ATP10B: variants seen among roughly 807,000 people sequenced by gnomAD.
The protein encoded by ATP10B is phospholipid-transporting ATPase VB.
A neutral mutation model predicts 141.2 loss-of-function variants in ATP10B; 122 were observed. The ratio of observed to expected loss-of-function variants is 0.86; its 90% CI spans 0.75 to 1.00. The LOEUF (loss-of-function observed/expected upper bound fraction) is 1.00. Ranked by LOEUF, ATP10B falls within the 50% of genes least tolerant of loss-of-function variation. The probability of loss-of-function intolerance (pLI) is 0.00; values close to 1 mark genes in which losing one functional copy is unlikely to be tolerated. For missense variants in ATP10B, 1,876 were observed against 1,825.3 expected (o/e 1.03, Z -0.51); for synonymous variants, 685 against 692.0 (o/e 0.99, Z 0.16).
At chr5:160,767,410 CCT>C (rs1581493458) in intron 2 of ATP10B, among the ~76,000 whole-genome samples, 1 of 152,058 alleles carries the variant, frequency 6.6e-6, no homozygotes, top group Non-Finnish European at 1.5e-5. Flanking sequence ...ATTTTCATCC[CCT>C]TTTTCCAAAT....
chr5:160,833,263 A>G (rs1775212856), intron 1 of ATP10B, among the ~76,000 whole-genome samples: 1 of 152,242 alleles, frequency 6.6e-6, no homozygotes, highest in African/African-American at 2.4e-5. Flanking sequence ...GCTGGGTTGT[A>G]GAATACAGGG....
At chr5:160,583,563 A>G (rs112155818) in intron 24 of ATP10B, among the ~76,000 whole-genome samples, 2,755 of 152,318 alleles carry the variant, frequency 0.018, 80 homozygotes, top group African/African-American at 0.062. Context: ...CCCTTAGCAG[A>G]GCTCGAGCGC....
intron 6 of ATP10B, among the ~76,000 whole-genome samples, chr5:160,678,103 C>A (rs184161578): frequency 6.6e-6 from 1 of 152,304 alleles, no homozygotes; most frequent in African/African-American, 2.4e-5. Context: ...AACCTCTAGA[C>A]AGTTTTGCTG....
chr5:160,724,656 C>T (rs1766213275), intron 2 of ATP10B, among the ~76,000 whole-genome samples: 1 of 152,178 alleles, frequency 6.6e-6, no homozygotes, highest in South Asian at 2.1e-4. Flanking sequence ...TCAGTCTGCT[C>T]CAGCTATAAT....
At chr5:160,806,080 C>A (rs1242196186) in intron 1 of ATP10B, among the ~76,000 whole-genome samples, 2 of 152,144 alleles carry the variant, frequency 1.3e-5, no homozygotes, top group East Asian at 3.9e-4. Context: ...CTCTTTTGGT[C>A]CTCAACAGAT....
intron 10 of ATP10B, among the ~76,000 whole-genome samples, chr5:160,639,678 G>T (rs1253889189): frequency 6.6e-6 from 1 of 152,234 alleles, no homozygotes; most frequent in Non-Finnish European, 1.5e-5. Context: ...TTTGGTATCA[G>T]TGGCTGGTTT....
intron 6 of ATP10B, among the ~76,000 whole-genome samples, chr5:160,679,939 C>G (rs1380921181): frequency 1.3e-5 from 2 of 152,148 alleles, no homozygotes; most frequent in African/African-American, 4.8e-5. Flanking sequence ...CTGGGAGAAG[C>G]TAAACTAATA....
At chr5:160,718,007 G>A (rs1765762551) in intron 2 of ATP10B, among the ~76,000 whole-genome samples, 1 of 152,238 alleles carries the variant, frequency 6.6e-6, no homozygotes, top group Admixed American at 6.5e-5. Flanking sequence ...CAGAGGGCCA[G>A]CCAGGCTGAG....
intron 6 of ATP10B, among the ~76,000 whole-genome samples, chr5:160,679,311 G>A (rs1763230498): frequency 6.6e-6 from 1 of 152,316 alleles, no homozygotes; most frequent in South Asian, 2.1e-4. Context: ...TCAGTAAAAA[G>A]TCAGATTAAA....
intron 1 of ATP10B, among the ~76,000 whole-genome samples, chr5:160,803,476 G>T (rs1041185062): frequency 2.6e-5 from 4 of 152,162 alleles, no homozygotes; most frequent in Non-Finnish European, 4.4e-5. Flanking sequence ...AGGAGTTCAA[G>T]ACCAGCTTGG....
chr5:160,820,722 C>G (rs1236879054), intron 1 of ATP10B, among the ~76,000 whole-genome samples: 1 of 152,050 alleles, frequency 6.6e-6, no homozygotes, highest in African/African-American at 2.4e-5. Flanking sequence ...CCCTGGGATG[C>G]AAGGATGGTT....
intron 2 of ATP10B, among the ~76,000 whole-genome samples, chr5:160,761,747 G>T (rs745338907): frequency 7.2e-5 from 11 of 152,112 alleles, no homozygotes; most frequent in Non-Finnish European, 1.5e-4. Context: ...TCTCTGAATT[G>T]CCAGATAAAG....
At chr5:160,914,416 C>T in the ATP10B span, among the ~76,000 whole-genome samples, 6 of 152,100 alleles carry the variant, frequency 3.9e-5, no homozygotes, top group Admixed American at 1.3e-4. Context: ...CTGTGGATGC[C>T]CAAGTCCCTG....
At chr5:160,686,359 G>T in intron 5 of ATP10B, 86 bp from the exon 6 acceptor site, 2 of 1,059,558 alleles carry the variant, frequency 1.9e-6, no homozygotes, top group Non-Finnish European at 2.6e-6. Context: ...GTTTGGCCTT[G>T]ATCAATTAAA....
chr5:160,798,744 ATTTTTTTTTTTT>A lies in ATP10B; in HGVS notation c.-575-12953_-575-12942del, dbSNP rs35866347. ...GGGTCAAGGAAAAGACTTTTTCTCT[ATTTTTTTTTTTT>A]TTTTTTTTTTTTGAGGCAAAGGCTT... On this transcript the variant is annotated intron_variant, in intron 1 of 25. Coordinates refer to ENST00000327245, the MANE Select transcript of ATP10B (RefSeq NM_025153.3). 6.8e-5 allele frequency among the ~76,000 whole-genome samples: 7 copies of A among 102,496 alleles called. No individual in the cohort carries two copies. In the South Asian group the frequency reaches 1.3e-3, roughly 19 times the overall value. 67.2% of individuals were successfully genotyped at this position (102,496 alleles called of 152,430 possible).
At chr5:160,748,017 G>C (rs996497581) in intron 2 of ATP10B, among the ~76,000 whole-genome samples, 6 of 138,680 alleles carry the variant, frequency 4.3e-5, no homozygotes, top group African/African-American at 1.6e-4. Context: ...AAAAAAAAAA[G>C]CGGCCGGGGT....
intron 1 of ATP10B, among the ~76,000 whole-genome samples, chr5:160,798,401 A>G (rs892457436): frequency 6.6e-6 from 1 of 152,214 alleles, no homozygotes; most frequent in African/African-American, 2.4e-5. Flanking sequence ...TAACCCAATG[A>G]CTTGTGACCT....
rs1763851621 is a variant in ATP10B at position 160,687,803 on chromosome 5, T to C, written c.272A>G (p.His91Arg). 1.2e-6 allele frequency: 2 copies of C among 1,613,416 alleles called. No individual in the cohort carries two copies. The highest frequency in any genetic ancestry group is 4.5e-5 in the East Asian group (2 of 44,880). ...FLPRNLFEQF[H>R]RWANLYFLFL... ...GTTCAGACAAGTGGATCTCTACCTA[T>C]GAAATTGCTCAAAGAGATTCCGGGG... The change falls in exon 5 of 26, where the codon CAT becomes CGT. Residue 91 changes from histidine (H) to arginine (R), a missense_variant. Physicochemically the swap from His to Arg is conservative, Grantham distance 29. Transcript: ENST00000327245.
the ATP10B span, among the ~76,000 whole-genome samples, chr5:160,865,861 T>TGATA: frequency 6.6e-6 from 1 of 152,048 alleles, no homozygotes; most frequent in Non-Finnish European, 1.5e-5. Context: ...AACTACAATG[T>TGATA]GATACCACTT....
Sources: allele counts gnomAD v4.1 joint callset (sites outside exome capture counted in the v4.1 genomes callset), GRCh38; gene constraint gnomAD v4.1.1; transcripts MANE v1.5; gene names NCBI Gene and HGNC (gene_info 2026-07-23, HGNC 2026-07-21).